The following CLEC2D variants were observed in gnomAD, a reference collection of about 807,000 sequenced individuals.
The protein encoded by CLEC2D is C-type lectin domain family 2 member D, also known as C-type lectin related f.
A neutral mutation model predicts 20.0 loss-of-function variants in CLEC2D; 16 were observed. The observed-to-expected ratio is 0.80, with a 90% CI of 0.54 to 1.22. The LOEUF is 1.22. Ranked by LOEUF, CLEC2D falls within the 50% of genes most tolerant of loss-of-function variation. The pLI, the probability that CLEC2D is intolerant of heterozygous loss-of-function variation, is 0.00. For missense variants in CLEC2D, 207 were observed against 221.5 expected, an observed-to-expected ratio of 0.93 and a Z score of 0.42; for synonymous variants, 77 against 71.1, an observed-to-expected ratio of 1.08 and a Z score of -0.42.
intron 4 of CLEC2D, among the ~76,000 whole-genome samples, chr12:9,694,537 C>T (rs10492164): frequency 0.24 from 36,941 of 152,112 alleles, 6,502 homozygotes; most frequent in African/African-American, 0.5. Context: ...TGCTTACAGA[C>T]ATGAAATAGG....
chr12:9,671,565 GT>G (rs1451762872), intron 1 of CLEC2D, among the ~76,000 whole-genome samples: 1 of 152,216 alleles, frequency 6.6e-6, no homozygotes, highest in East Asian at 1.9e-4. Context: ...TGTTGCTGTA[GT>G]TTCCCCTACC....
At position 9,694,757 on chromosome 12, in the gene CLEC2D, C is replaced by T. The variant is rs1472576539; in HGVS notation, c.462-3C>T. 1.3e-6 allele frequency: 2 copies of T among 1,561,826 alleles called. No homozygotes were observed. The highest frequency in any genetic ancestry group is 3.3e-5 in the Admixed American group (2 of 59,902). The stretch of plus-strand genomic sequence containing the variant: ...CCAACTGATTCTGCTTCTTCTCTTG[C>T]AGGTTTCCTATCCTGGGAGCAGGAG... On this transcript the variant is annotated splice_region_variant and splice_polypyrimidine_tract_variant and intron_variant, in intron 4 of 4. Coordinates refer to ENST00000290855, the MANE Select transcript of CLEC2D (RefSeq NM_013269.6).
In CLEC2D at chr12:9,699,024, A is replaced by C. The variant is rs1461547175; in HGVS notation, c.*4150A>C. On this transcript the variant is annotated 3_prime_UTR_variant, in exon 5 of 5. Coordinates refer to ENST00000290855, the MANE Select transcript of CLEC2D (RefSeq NM_013269.6). ...GAATGAAGTCTCTTAACCCACCTGG[A>C]TAGATTTTTCTCACAAACCATTGTC... 1 of 152,178 alleles carries C rather than the reference A, an allele frequency of 6.6e-6. No individual in the cohort carries two copies. Among genetic ancestry groups the C allele is most frequent in the African/African-American group, 2.4e-5 (1 of 41,438 alleles). 9.4% of individuals were successfully genotyped at this position (152,178 alleles called of 1,614,324 possible).
intron 1 of CLEC2D, among the ~76,000 whole-genome samples, chr12:9,671,472 G>A (rs11052306): frequency 0.22 from 32,871 of 151,922 alleles, 4,709 homozygotes; most frequent in African/African-American, 0.41. Context: ...CGCCCGCCTC[G>A]GCCTCCCAAA....
chr12:9,679,234 AAT>A (rs1865584367), intron 1 of CLEC2D, among the ~76,000 whole-genome samples: 2 of 152,274 alleles, frequency 1.3e-5, no homozygotes, highest in Non-Finnish European at 1.5e-5. Context: ...GAATAAGAAA[AAT>A]AGTTTTATTT....
chr12:9,687,747 A>T (rs150904697), intron 2 of CLEC2D, among the ~76,000 whole-genome samples, 155 bp from the exon 3 acceptor site: 2 of 152,344 alleles, frequency 1.3e-5, no homozygotes, highest in African/African-American at 4.8e-5. Context: ...AATGTATGCA[A>T]TTATATTTAG....
intron 1 of CLEC2D, chr12:9,674,092 C>G (rs1261805781): frequency 1.3e-5 from 2 of 152,350 alleles, no homozygotes; most frequent in Non-Finnish European, 2.9e-5. Context: ...TTCCATGGGA[C>G]TGGATGGTTC....
intron 3 of CLEC2D, among the ~76,000 whole-genome samples, chr12:9,688,920 T>G (rs953102908): frequency 6.6e-6 from 1 of 152,152 alleles, no homozygotes; most frequent in Non-Finnish European, 1.5e-5. Flanking sequence ...GATGATAAAT[T>G]TTGGTTAATG....
chr12:9,673,454 G>A (rs745485471), intron 1 of CLEC2D, among the ~76,000 whole-genome samples: 1 of 152,368 alleles, frequency 6.6e-6, no homozygotes, highest in Admixed American at 6.5e-5. Flanking sequence ...GAGGGGCACT[G>A]GCCTGATGCC....
At chr12:9,671,509 C>T (rs760083263) in intron 1 of CLEC2D, among the ~76,000 whole-genome samples, 8 of 152,324 alleles carry the variant, frequency 5.3e-5, no homozygotes, top group African/African-American at 1.4e-4. Flanking sequence ...CGTGAGCCAC[C>T]GCGCCCGGCC....
Position 9,695,438 on chromosome 12 carries a change from T to G in CLEC2D, c.*564T>G. On this transcript the variant is annotated 3_prime_UTR_variant, in exon 5 of 5. Coordinates refer to ENST00000290855, the MANE Select transcript of CLEC2D (RefSeq NM_013269.6). ...CCCCCTGAGGCCCCAGAACTATCTT[T>G]TCAGTTGTGAACTAAAGGCCGACAA... 1 of 1,459,792 alleles carries G rather than the reference T, an allele frequency of 6.9e-7. No individual in the cohort carries two copies. Among genetic ancestry groups the G allele is most frequent in the Non-Finnish European group, 9.5e-7 (1 of 1,056,970 alleles). The allele number at this position is 1,459,792 out of a possible 1,614,324, so 90.4% of individuals were successfully genotyped here. A position where few individuals can be genotyped will look rare whatever the true frequency, so the allele number is the denominator to read the frequency against.
At chr12:9,683,329 GTGTTTGTTT>G (rs1865680756) in intron 2 of CLEC2D, among the ~76,000 whole-genome samples, 35 of 83,780 alleles carry the variant, frequency 4.2e-4, no homozygotes, top group Non-Finnish European at 4.7e-4. Flanking sequence ...TTTGTTTTTT[GTGTTTGTTT>G]TTTTTTTTTT....
At position 9,695,417 on chromosome 12, in the gene CLEC2D, C is replaced by T. The variant is rs1227078196; in HGVS notation, c.*543C>T. The T allele has an allele frequency of 8.7e-6, 13 of 1,488,116 alleles. No individual in the cohort carries two copies. The highest frequency in any genetic ancestry group is 8.3e-6 in the Non-Finnish European group (9 of 1,082,728). The allele number at this position is 1,488,116 out of a possible 1,614,324, so 92.2% of individuals were successfully genotyped here. A position where few individuals can be genotyped will look rare whatever the true frequency, so the allele number is the denominator to read the frequency against. On this transcript the variant is annotated 3_prime_UTR_variant, in exon 5 of 5. Coordinates refer to ENST00000290855, the MANE Select transcript of CLEC2D (RefSeq NM_013269.6). ...TTCGATGGACATGGACATGAGCCCC[C>T]TGAGGCCCCAGAACTATCTTTTCAG...
intron 3 of CLEC2D, among the ~76,000 whole-genome samples, chr12:9,689,799 A>C (rs1327404559): frequency 6.6e-6 from 1 of 152,080 alleles, no homozygotes; most frequent in Non-Finnish European, 1.5e-5. Context: ...AAAATAAGAT[A>C]ATTGAAACAA....
chr12:9,690,114 G>GA (rs1399872103), intron 3 of CLEC2D, among the ~76,000 whole-genome samples: 2 of 152,004 alleles, frequency 1.3e-5, no homozygotes, highest in Admixed American at 6.6e-5. Context: ...CAGCCAGAAT[G>GA]AAGCAACTCA....
In CLEC2D at chr12:9,697,366, A is replaced by C. The variant is rs1191100194; in HGVS notation, c.*2492A>C. 1 of 152,196 alleles carries C rather than the reference A, an allele frequency of 6.6e-6. No homozygotes were observed. The highest frequency in any genetic ancestry group is 2.4e-5 in the African/African-American group (1 of 41,444). The allele number at this position is 152,196 out of a possible 1,614,324, so 9.4% of individuals were successfully genotyped here. A position where few individuals can be genotyped will look rare whatever the true frequency, so the allele number is the denominator to read the frequency against. On this transcript the variant is annotated 3_prime_UTR_variant, in exon 5 of 5. Coordinates refer to ENST00000290855, the MANE Select transcript of CLEC2D (RefSeq NM_013269.6). ...GTTAACTAGCCCAATCTATTCCTTT[A>C]ATTCGGCCCATCCCTTCATTTCCCA... is the stretch of plus-strand genomic sequence containing the variant.
At chr12:9,683,554 G>A (rs1218455406) in intron 2 of CLEC2D, among the ~76,000 whole-genome samples, 1 of 152,016 alleles carries the variant, frequency 6.6e-6, no homozygotes, top group Non-Finnish European at 1.5e-5. Flanking sequence ...TTTGTGTAAG[G>A]TGTAAGGAAG....
At chr12:9,684,137 A>G (rs146162979) in intron 2 of CLEC2D, among the ~76,000 whole-genome samples, 10 of 152,246 alleles carry the variant, frequency 6.6e-5, no homozygotes, top group East Asian at 1.9e-4. Context: ...CTTAGTAGCA[A>G]TTGTGAATGG....
At chr12:9,687,341 A>T (rs956975297) in intron 2 of CLEC2D, among the ~76,000 whole-genome samples, 1 of 152,158 alleles carries the variant, frequency 6.6e-6, no homozygotes, top group African/African-American at 2.4e-5. Flanking sequence ...TTGCCCTCCT[A>T]TGAGAATCTA....
Sources: allele counts gnomAD v4.1 joint callset (sites outside exome capture counted in the v4.1 genomes callset), GRCh38; gene constraint gnomAD v4.1.1; transcripts MANE v1.5; gene names NCBI Gene and HGNC (gene_info 2026-07-23, HGNC 2026-07-21).